The following PYY variants were observed in gnomAD, a reference collection of about 807,000 sequenced individuals.
PYY encodes the protein peptide YY.
PYY carries 12 observed loss-of-function variants against 10.3 expected under a neutral mutation model. The ratio of observed to expected loss-of-function variants is 1.17; its 90% CI spans 0.75 to 1.89. The LOEUF (loss-of-function observed/expected upper bound fraction) is 1.89, where lower values mean the gene tolerates loss of function less well. Among genes scored for constraint, PYY ranks in the 40% most tolerant of loss-of-function variants. The pLI is 0.00. For synonymous variants in PYY, 66 were observed against 62.0 expected (o/e 1.06, Z -0.30); for missense variants, 141 against 134.0 (o/e 1.05, Z -0.26).
At position 43,993,913 on chromosome 17, in the gene PYY, G is replaced by C. The variant is rs1597859113; in HGVS notation, c.-463+10478C>G. On this transcript the variant is annotated intron_variant, in intron 1 of 6. Coordinates refer to the PYY transcript ENST00000360085. ...CTGTTGCCCAGGCTGGGGTGCAGTG[G>C]CACAATCTCTGGTCACTGCAGCCTC... 2.0e-5 allele frequency among the ~76,000 whole-genome samples: 3 copies of C among 151,992 alleles called. No individual in the cohort carries two copies. In the South Asian group the frequency reaches 6.2e-4, roughly 31 times the overall value.
intron 1 of PYY, among the ~76,000 whole-genome samples, chr17:43,976,435 A>T (rs182322177): frequency 0.016 from 2,323 of 141,492 alleles, 113 homozygotes; most frequent in African/African-American, 0.061. Context: ...ATATATACAC[A>T]TATACATGTA....
At chr17:43,966,512 A>C (rs969899530) in exon 2 of PYY, 3 of 152,258 alleles carry the variant, frequency 2.0e-5, no homozygotes, top group Non-Finnish European at 4.4e-5. Flanking sequence ...AAAGGGCTGA[A>C]CTTGCCTGAA....
At chr17:43,969,857 C>T (rs1183019693) in intron 1 of PYY, among the ~76,000 whole-genome samples, 1 of 151,838 alleles carries the variant, frequency 6.6e-6, no homozygotes, top group Non-Finnish European at 1.5e-5. Context: ...AATTCTCTGC[C>T]TCAGCCTCCC....
intron 2 of PYY, among the ~76,000 whole-genome samples, chr17:43,963,101 T>C (rs2048723719): frequency 6.6e-6 from 1 of 152,198 alleles, no homozygotes; most frequent in South Asian, 2.1e-4. Flanking sequence ...TTTGTGAAGT[T>C]AGAAAAACTC....
intron 1 of PYY, among the ~76,000 whole-genome samples, chr17:44,002,223 G>A (rs2049033044): frequency 6.6e-6 from 1 of 152,190 alleles, no homozygotes; most frequent in East Asian, 1.9e-4. Context: ...CGAGGGGTGG[G>A]GGACTGCGGG....
chr17:44,001,621 T>G (rs542393972), intron 1 of PYY, among the ~76,000 whole-genome samples: 2 of 152,138 alleles, frequency 1.3e-5, no homozygotes, highest in Non-Finnish European at 2.9e-5. Flanking sequence ...CTGGGCCCCA[T>G]TGGCTGCCTG....
chr17:43,978,519 T>C (rs1165427347), intron 1 of PYY, among the ~76,000 whole-genome samples: 2 of 152,084 alleles, frequency 1.3e-5, no homozygotes, highest in Admixed American at 6.6e-5. Context: ...TGTATCTTTC[T>C]GGGGAAAAGC....
chr17:43,994,577 A>T (rs1333090940), intron 1 of PYY, among the ~76,000 whole-genome samples: 1 of 151,984 alleles, frequency 6.6e-6, no homozygotes, highest in Non-Finnish European at 1.5e-5. Flanking sequence ...TAGGACTCGA[A>T]CCTCGCGTTT....
rs925799684 is a variant in PYY at position 43,952,900 on chromosome 17, C to T, written c.*56G>A. 1 of 1,503,346 alleles carries T rather than the reference C, an allele frequency of 6.7e-7. No homozygotes were observed. Among genetic ancestry groups the T allele is most frequent in the South Asian group, 1.3e-5 (1 of 76,356 alleles). 93.1% of individuals were successfully genotyped at this position (1,503,346 alleles called of 1,614,324 possible). On this transcript the variant is annotated 3_prime_UTR_variant, in exon 4 of 4. Transcript: ENST00000692052. ...ATCCGGGTTTCTGGGGTCGGGAGTG[C>T]GTATGCAAATGACGTGGGCGTGGTT...
At chr17:43,970,712 C>A (rs1465864818) in intron 1 of PYY, among the ~76,000 whole-genome samples, 5 of 152,168 alleles carry the variant, frequency 3.3e-5, no homozygotes, top group African/African-American at 1.2e-4. Flanking sequence ...TCCGAAGGAC[C>A]CCCTAGTACT....
chr17:43,961,635 G>A (rs1320307673), intron 2 of PYY, among the ~76,000 whole-genome samples: 3 of 152,112 alleles, frequency 2.0e-5, no homozygotes, highest in African/African-American at 4.8e-5. Context: ...CCGCCTCCTG[G>A]GTTCAAGTGA....
chr17:44,000,506 A>G (rs1411863085), intron 1 of PYY, among the ~76,000 whole-genome samples: 1 of 150,014 alleles, frequency 6.7e-6, no homozygotes. Context: ...TTTCACGTCT[A>G]TGTCCATGTG....
In PYY at chr17:43,987,661, T is replaced by C. The variant is rs1020906214; in HGVS notation, c.-463+16730A>G. ...ATGAAGAGGCCATTTCTTCCCTTTG[T>C]TCATCCAACCAACATTCACTGGGCC... On this transcript the variant is annotated intron_variant, in intron 1 of 6. Transcript: ENST00000360085. The surrounding 1 kb of genome is among the most constrained non-coding windows in gnomAD (Gnocchi z 4.0). Among the ~76,000 whole-genome samples the C allele has an allele frequency of 6.6e-6, 1 of 152,228 alleles. No individual in the cohort carries two copies. Among genetic ancestry groups the C allele is most frequent in the African/African-American group, 2.4e-5 (1 of 41,456 alleles).
chr17:43,980,489 T>G (rs757807643), intron 1 of PYY, among the ~76,000 whole-genome samples: 28 of 151,582 alleles, frequency 1.8e-4, no homozygotes, highest in Middle Eastern at 3.4e-3. Flanking sequence ...GTTTTGTTTT[T>G]TTTGAGACAG....
chr17:43,969,431 C>A (rs749225512), intron 1 of PYY, among the ~76,000 whole-genome samples: 24 of 148,538 alleles, frequency 1.6e-4, no homozygotes, highest in Non-Finnish European at 3.4e-4. Context: ...GCAGAAGAAT[C>A]GCTTGAACCC....
chr17:43,998,206 T>C (rs1221236076), intron 1 of PYY, among the ~76,000 whole-genome samples: 1 of 151,916 alleles, frequency 6.6e-6, no homozygotes, highest in Non-Finnish European at 1.5e-5. Context: ...CCCAAAGTAT[T>C]GGGATTACAG....
At chr17:43,961,459 G>T (rs558983810) in intron 2 of PYY, among the ~76,000 whole-genome samples, 1 of 152,308 alleles carries the variant, frequency 6.6e-6, no homozygotes, top group East Asian at 1.9e-4. Context: ...TGCTTCCTGT[G>T]CTCCTGTCCC....
chr17:43,970,580 G>A (rs2048785699), intron 1 of PYY, among the ~76,000 whole-genome samples: 1 of 152,008 alleles, frequency 6.6e-6, no homozygotes, highest in East Asian at 1.9e-4. Flanking sequence ...AGAATAGACA[G>A]TACAGAAATA....
chr17:43,997,950 G>GT (rs958494414), intron 1 of PYY, among the ~76,000 whole-genome samples: 30 of 151,370 alleles, frequency 2.0e-4, no homozygotes, highest in South Asian at 6.3e-4. Flanking sequence ...TTTTGTTTTT[G>GT]TTTTTTGAGA....
Sources: allele counts gnomAD v4.1 joint callset (sites outside exome capture counted in the v4.1 genomes callset), GRCh38; gene constraint gnomAD v4.1.1; non-coding constraint Gnocchi (gnomAD v3.1); transcripts MANE v1.5; gene names NCBI Gene and HGNC (gene_info 2026-07-23, HGNC 2026-07-21).